Variants in KCNH8 observed in about 807,000 individuals in gnomAD.
KCNH8 encodes voltage-gated delayed rectifier potassium channel KCNH8.
A neutral mutation model predicts 103.6 loss-of-function variants in KCNH8; 70 were observed. The ratio of observed to expected loss-of-function variants is 0.68; its 90% confidence interval spans 0.56 to 0.82. The LOEUF is 0.82. Among genes scored for constraint, KCNH8 ranks in the 40% least tolerant of loss-of-function variants. The probability of loss-of-function intolerance (pLI) is 0.00; values close to 1 mark genes in which losing one functional copy is unlikely to be tolerated. For synonymous variants in KCNH8, 498 were observed against 489.4 expected, an observed-to-expected ratio of 1.02 and a Z score of -0.23; for missense variants, 1,217 against 1,329.9, an observed-to-expected ratio of 0.92 and a Z score of 1.32.
At position 19,148,625 on chromosome 3, in the gene KCNH8, C is replaced by A; in HGVS notation, c.-95C>A. Reference sequence around the variant, plus strand: ...GTCAGGCCGGGTCCCCCTTCCCTGCCGTCATCAGGTTCCCCTTCTCCCTTC... The same window carrying A: ...GTCAGGCCGGGTCCCCCTTCCCTGCAGTCATCAGGTTCCCCTTCTCCCTTC... On this transcript the variant is annotated 5_prime_UTR_variant, in exon 1 of 16. Coordinates refer to ENST00000328405, the MANE Select transcript of KCNH8 (RefSeq NM_144633.3). The A allele has an allele frequency of 8.3e-7, 1 of 1,207,670 alleles. No homozygotes were observed. The highest frequency in any genetic ancestry group is 1.2e-6 in the Non-Finnish European group (1 of 809,114). 74.8% of individuals were successfully genotyped at this position (1,207,670 alleles called of 1,614,324 possible).
intron 15 of KCNH8, among the ~76,000 whole-genome samples, chr3:19,521,384 GAACCTGT>G (rs1281494287): frequency 6.6e-6 from 1 of 151,948 alleles, no homozygotes; most frequent in African/African-American, 2.4e-5. Flanking sequence ...GATAATAATA[GAACCTGT>G]AATCAAGGAT....
chr3:19,150,234 A>G (rs116069376), intron 1 of KCNH8, among the ~76,000 whole-genome samples: 1 of 152,280 alleles, frequency 6.6e-6, no homozygotes, highest in African/African-American at 2.4e-5. Flanking sequence ...CATTGCCACT[A>G]CCACACCACT....
intron 11 of KCNH8, among the ~76,000 whole-genome samples, chr3:19,495,135 C>G (rs990130378): frequency 5.9e-5 from 9 of 152,104 alleles, no homozygotes; most frequent in Admixed American, 1.3e-4. Context: ...AATATTTTCT[C>G]CCATTCCGTA....
intron 1 of KCNH8, among the ~76,000 whole-genome samples, chr3:19,180,413 A>G (rs2063440360): frequency 6.6e-6 from 1 of 152,130 alleles, no homozygotes; most frequent in South Asian, 2.1e-4. Flanking sequence ...CCTGATATTT[A>G]TCATGGAATA....
intron 11 of KCNH8, among the ~76,000 whole-genome samples, chr3:19,460,619 T>C (rs958186630): frequency 1.3e-5 from 2 of 152,158 alleles, no homozygotes; most frequent in Non-Finnish European, 2.9e-5. Flanking sequence ...TGTGATGCTC[T>C]CATTGGTGCA....
intron 7 of KCNH8, among the ~76,000 whole-genome samples, chr3:19,404,651 T>C (rs1018175636): frequency 4.3e-4 from 65 of 151,980 alleles, no homozygotes; most frequent in South Asian, 8.3e-4. Flanking sequence ...ACTACTGATC[T>C]TAGGGTGGCC....
intron 10 of KCNH8, 149 bp downstream of exon 10, chr3:19,451,553 C>T (rs1261814230): frequency 2.9e-6 from 2 of 689,630 alleles, no homozygotes; most frequent in African/African-American, 3.6e-5. Flanking sequence ...TTTAGTGTGC[C>T]TATGTGTTAT....
chr3:19,533,207 AAAAAAAAAAAAGGAAAAAG>A (rs1466347856), intron 15 of KCNH8, among the ~76,000 whole-genome samples, 169 bp from the exon 16 acceptor site: 1 of 150,958 alleles, frequency 6.6e-6, no homozygotes, highest in East Asian at 1.9e-4. Flanking sequence ...CCGTCTCAAA[AAAAAAAAAAAAGGAAAAAG>A]AAAAAAAAAA....
At chr3:19,213,864 CTACTCCAG>C (rs2063793546) in intron 1 of KCNH8, among the ~76,000 whole-genome samples, 1 of 152,148 alleles carries the variant, frequency 6.6e-6, no homozygotes, top group African/African-American at 2.4e-5. Context: ...CTAGTGAAGT[CTACTCCAG>C]TATCAAGGTC....
intron 5 of KCNH8, among the ~76,000 whole-genome samples, chr3:19,350,068 G>C (rs2065779424): frequency 6.6e-6 from 1 of 152,006 alleles, no homozygotes; most frequent in South Asian, 2.1e-4. Context: ...ATTCTTTCCT[G>C]CTGTTATCTG....
chr3:19,165,753 G>T (rs2063277025), intron 1 of KCNH8, among the ~76,000 whole-genome samples: 1 of 152,162 alleles, frequency 6.6e-6, no homozygotes, highest in African/African-American at 2.4e-5. Flanking sequence ...TGTGAGTTGG[G>T]TGGGGAGTAA....
chr3:19,322,223 C>A (rs1185568952), intron 3 of KCNH8, among the ~76,000 whole-genome samples: 1 of 152,048 alleles, frequency 6.6e-6, no homozygotes, highest in Non-Finnish European at 1.5e-5. Context: ...CTATTCTATT[C>A]ATTGTGCTAT....
chr3:19,171,788 A>T (rs990340966), intron 1 of KCNH8, among the ~76,000 whole-genome samples: 4 of 152,338 alleles, frequency 2.6e-5, no homozygotes, highest in Admixed American at 2.0e-4. Flanking sequence ...CCCTGGGTTG[A>T]CGATATAAAG....
In KCNH8 at chr3:19,466,649, ATTTTTTTTTTTTTTTTTTTTT is replaced by A. The variant is rs869048680; in HGVS notation, c.2040+9679_2040+9699del. On this transcript the variant is annotated intron_variant, in intron 11 of 15. Coordinates refer to ENST00000328405, the MANE Select transcript of KCNH8 (RefSeq NM_144633.3). Reference sequence around the variant, plus strand: ...GATTGTTAACATTTTGTAGCAATACATTTTTTTTTTTTTTTTTTTTTTTTTTTTTTTTAGATGAAGTCTCGC... The same window carrying A: ...GATTGTTAACATTTTGTAGCAATACATTTTTTTTTTTAGATGAAGTCTCGC... Among the ~76,000 whole-genome samples the A allele has an allele frequency of 5.9e-5, 3 of 50,610 alleles. No individual in the cohort carries two copies. In the South Asian group the frequency reaches 2.9e-3, roughly 48 times the overall value. 33.2% of individuals were successfully genotyped at this position (50,610 alleles called of 152,430 possible). A position where few individuals can be genotyped will look rare whatever the true frequency, so the allele number is the denominator to read the frequency against.
chr3:19,290,609 G>A (rs948444602), intron 3 of KCNH8, among the ~76,000 whole-genome samples: 11 of 152,216 alleles, frequency 7.2e-5, no homozygotes, highest in Admixed American at 3.3e-4. Flanking sequence ...ACTTGATCAT[G>A]CTGGATAACG....
At chr3:19,386,067 CTT>C (rs955285179) in intron 5 of KCNH8, among the ~76,000 whole-genome samples, 1 of 152,000 alleles carries the variant, frequency 6.6e-6, no homozygotes, top group African/African-American at 2.4e-5. Context: ...AATTTAACCT[CTT>C]TTTTTGTGCT....
intron 5 of KCNH8, among the ~76,000 whole-genome samples, chr3:19,356,046 G>T (rs1049618028): frequency 6.6e-6 from 1 of 151,804 alleles, no homozygotes; most frequent in Non-Finnish European, 1.5e-5. Context: ...GTCTAGGAAG[G>T]ATAGGTGTTC....
chr3:19,418,821 G>C lies in KCNH8; in HGVS notation c.1178-19343G>C, dbSNP rs114135646. Among the ~76,000 whole-genome samples the C allele has an allele frequency of 9.6e-3, 1,466 of 152,300 alleles. 25 individuals carry two copies. The highest frequency in any genetic ancestry group is 0.033 in the African/African-American group (1,371 of 41,564). On this transcript the variant is annotated intron_variant, in intron 7 of 15. Transcript: ENST00000328405. ...ATCTTTGTCAAACAGTTTTCATCCA[G>C]CTGCACATTCTTATGAAAACAAATA...
intron 5 of KCNH8, among the ~76,000 whole-genome samples, chr3:19,349,873 A>C (rs1368402223): frequency 6.6e-6 from 1 of 152,120 alleles, no homozygotes; most frequent in African/African-American, 2.4e-5. Context: ...TGGTTCTCCC[A>C]GTAGGCAATA....
Sources: gnomAD v4.1 joint callset for allele counts (sites outside exome capture counted in the v4.1 genomes callset) on GRCh38, gnomAD v4.1.1 for gene constraint, MANE v1.5 for transcripts, NCBI Gene and HGNC (gene_info 2026-07-23, HGNC 2026-07-21) for gene names.